COL26A1: variants seen among roughly 807,000 people sequenced by gnomAD.
COL26A1 encodes the protein collagen alpha-1(XXVI) chain.
COL26A1 carries 41 observed loss-of-function variants against 59.3 expected under a neutral mutation model. That is an observed-to-expected ratio of 0.69 (90% confidence interval 0.54 to 0.90). COL26A1 has a LOEUF of 0.90. Among genes scored for constraint, COL26A1 ranks in the 40% least tolerant of loss-of-function variants. The pLI, the probability that COL26A1 is intolerant of heterozygous loss-of-function variation, is 0.00. For missense variants in COL26A1, 612 were observed against 602.3 expected (o/e 1.02, Z -0.17); for synonymous variants, 266 against 256.0 (o/e 1.04, Z -0.37).
At chr7:101,508,015 T>C (rs1794848812) in intron 3 of COL26A1, among the ~76,000 whole-genome samples, 1 of 152,188 alleles carries the variant, frequency 6.6e-6, no homozygotes, top group Non-Finnish European at 1.5e-5. Flanking sequence ...CCTCTAGGGT[T>C]GTGCAAACAC....
chr7:101,422,818 T>C (rs1792555311), intron 2 of COL26A1, among the ~76,000 whole-genome samples: 1 of 152,126 alleles, frequency 6.6e-6, no homozygotes. Flanking sequence ...TACTTTTTCT[T>C]TGGTAGAGAC....
At chr7:101,460,640 G>A (rs1284852071) in intron 3 of COL26A1, among the ~76,000 whole-genome samples, 4 of 151,986 alleles carry the variant, frequency 2.6e-5, no homozygotes, top group Non-Finnish European at 5.9e-5. Context: ...AATTAGCTGG[G>A]CATGGTGGCA....
chr7:101,515,781 GT>G (rs1338104654), intron 3 of COL26A1, among the ~76,000 whole-genome samples: 1 of 151,774 alleles, frequency 6.6e-6, no homozygotes, highest in Non-Finnish European at 1.5e-5. Context: ...TAGAGACAAG[GT>G]TTTGCTAGGT....
rs1215023888 is a variant in COL26A1, at chr7:101,489,762, CTTT to C, written c.385+41976_385+41978del. ...CTCTCTTTCTTTCTTGTCTCTCTTT[CTTT>C]CTTTCTTTCTTTCTTTCTTTCTTTC... is the stretch of plus-strand genomic sequence containing the variant. On this transcript the variant is annotated intron_variant, in intron 3 of 12. Transcript: ENST00000313669. Among the ~76,000 whole-genome samples the C allele has an allele frequency of 9.0e-3, 34 of 3,796 alleles. 10 individuals are homozygous for C. Among genetic ancestry groups the C allele is most frequent in the Admixed American group, 0.013 (4 of 310 alleles). The allele number at this position is 3,796 out of a possible 152,430, so 2.5% of individuals were successfully genotyped here.
intron 3 of COL26A1, among the ~76,000 whole-genome samples, chr7:101,488,379 C>CAT (rs1563006467): frequency 2.0e-4 from 9 of 44,854 alleles, no homozygotes; most frequent in African/African-American, 1.0e-3. Flanking sequence ...TATATATATA[C>CAT]ACACACATTT....
In COL26A1 at chr7:101,386,358, C is replaced by T. The variant is rs576859987; in HGVS notation, c.158+23168C>T. ...GATCACGGCTCACTGCAGCCTCAAC[C>T]TCCTGGGCTCAAGCAAGCCTCCTGA... On this transcript the variant is annotated intron_variant, in intron 1 of 12. Coordinates refer to ENST00000313669, the MANE Select transcript of COL26A1 (RefSeq NM_001278563.3). Among the ~76,000 whole-genome samples the T allele has an allele frequency of 1.7e-4, 26 of 151,746 alleles. No individual in the cohort carries two copies. The East Asian group carries it at 4.9e-3, about 28-fold the overall frequency.
chr7:101,418,464 T>G (rs949359544), intron 1 of COL26A1, among the ~76,000 whole-genome samples: 1 of 152,082 alleles, frequency 6.6e-6, no homozygotes, highest in African/African-American at 2.4e-5. Context: ...ACTTTTTTTC[T>G]TATTTTATTT....
chr7:101,553,467 C>T (rs1006553268), intron 11 of COL26A1, 91 bp downstream of exon 11: 24 of 1,348,964 alleles, frequency 1.8e-5, no homozygotes, highest in South Asian at 1.0e-4. Flanking sequence ...CTGCGCTGAC[C>T]GTCAGCCAGC....
At chr7:101,530,974 T>C (rs897160468) in intron 3 of COL26A1, among the ~76,000 whole-genome samples, 1 of 152,026 alleles carries the variant, frequency 6.6e-6, no homozygotes, top group Non-Finnish European at 1.5e-5. Context: ...TTTTGTTTTT[T>C]TGTTTTTTTG....
intron 2 of COL26A1, among the ~76,000 whole-genome samples, chr7:101,438,494 G>T (rs1269418970): frequency 6.6e-6 from 1 of 151,504 alleles, no homozygotes; most frequent in Non-Finnish European, 1.5e-5. Flanking sequence ...AAGGTTCAGG[G>T]CTGGCTCCTC....
At chr7:101,388,197 G>A (rs1791638150) in intron 1 of COL26A1, among the ~76,000 whole-genome samples, 1 of 151,844 alleles carries the variant, frequency 6.6e-6, no homozygotes, top group African/African-American at 2.4e-5. Flanking sequence ...TCTGGGCCGG[G>A]CGCCGTGGCT....
Position 101,553,307 on chromosome 7 carries a change from T to C in COL26A1, c.1030-19T>C, listed in dbSNP as rs202242817. On this transcript the variant is annotated intron_variant, in intron 10 of 12. Coordinates refer to ENST00000313669, the MANE Select transcript of COL26A1 (RefSeq NM_001278563.3). ...CCCCACCTCCCGTTCCAGTGTTGAC[T>C]GTGTGACTTGCTTCTTAGGGTGAAC... The C allele has an allele frequency of 9.5e-5, 153 of 1,612,942 alleles. No individual in the cohort carries two copies. Among genetic ancestry groups the C allele is most frequent in the Non-Finnish European group, 1.2e-4 (143 of 1,179,124 alleles).
intron 2 of COL26A1, among the ~76,000 whole-genome samples, chr7:101,432,206 C>A (rs1352771097): frequency 6.6e-6 from 1 of 152,098 alleles, no homozygotes; most frequent in Non-Finnish European, 1.5e-5. Flanking sequence ...AGGTGATCCA[C>A]CCGCTTCAGC....
chr7:101,365,673 C>T (rs1791027593), intron 1 of COL26A1, among the ~76,000 whole-genome samples: 1 of 152,110 alleles, frequency 6.6e-6, no homozygotes, highest in Non-Finnish European at 1.5e-5. Flanking sequence ...ATCTGCCTGC[C>T]TCAGCCTCCC....
intron 3 of COL26A1, among the ~76,000 whole-genome samples, chr7:101,530,004 G>A (rs1795330589): frequency 6.6e-6 from 1 of 152,150 alleles, no homozygotes; most frequent in Admixed American, 6.5e-5. Context: ...TTGGCACAGT[G>A]TCATCCAGTC....
At chr7:101,468,131 C>T (rs990281709) in intron 3 of COL26A1, among the ~76,000 whole-genome samples, 1 of 151,526 alleles carries the variant, frequency 6.6e-6, no homozygotes, top group African/African-American at 2.4e-5. Flanking sequence ...GGTGAAACCC[C>T]GTCTCTACTA....
intron 3 of COL26A1, among the ~76,000 whole-genome samples, chr7:101,503,554 C>T (rs1794746493): frequency 1.3e-5 from 2 of 152,154 alleles, no homozygotes; most frequent in Admixed American, 1.3e-4. Flanking sequence ...GGCTAATGTT[C>T]GTATTTTTTT....
At chr7:101,414,494 G>C (rs374720265) in intron 1 of COL26A1, among the ~76,000 whole-genome samples, 2 of 151,838 alleles carry the variant, frequency 1.3e-5, no homozygotes, top group African/African-American at 4.8e-5. Context: ...CTGGAGTGTA[G>C]TGGCACGAAC....
intron 4 of COL26A1, among the ~76,000 whole-genome samples, chr7:101,537,585 C>T (rs988079762): frequency 3.3e-5 from 5 of 152,216 alleles, no homozygotes; most frequent in African/African-American, 1.2e-4. Flanking sequence ...AGATTCCAAC[C>T]AGGGCTCCTC....
Sources: allele counts gnomAD v4.1 joint callset (sites outside exome capture counted in the v4.1 genomes callset), GRCh38; gene constraint gnomAD v4.1.1; transcripts MANE v1.5; gene names NCBI Gene and HGNC (gene_info 2026-07-23, HGNC 2026-07-21).